Variants in SYNPO2 observed in about 807,000 individuals in gnomAD.
SYNPO2 encodes synaptopodin-2.
Under a neutral mutation model 85.0 loss-of-function variants are expected in SYNPO2, and 56 were observed. The observed-to-expected ratio is 0.66, with a 90% CI of 0.53 to 0.82. The LOEUF (loss-of-function observed/expected upper bound fraction) is 0.82, where lower values mean the gene tolerates loss of function less well. Ranked by LOEUF, SYNPO2 falls within the 40% of genes least tolerant of loss-of-function variation. The pLI is 0.00. For missense variants in SYNPO2, 1,575 were observed against 1,534.2 expected (o/e 1.03, Z -0.44); for synonymous variants, 602 against 591.1 (o/e 1.02, Z -0.27).
chr4:118,940,158 G>A (rs1734258265), intron 1 of SYNPO2, among the ~76,000 whole-genome samples: 1 of 151,758 alleles, frequency 6.6e-6, no homozygotes, highest in African/African-American at 2.4e-5. Flanking sequence ...GTTAATTTTT[G>A]TATTTTTAGT....
chr4:118,887,193 G>A (rs1011658552), upstream of SYNPO2, among the ~76,000 whole-genome samples: 1 of 149,632 alleles, frequency 6.7e-6, no homozygotes, highest in Non-Finnish European at 1.5e-5. Flanking sequence ...GTGTGTGTGT[G>A]TGTGTGTGTG....
intron 1 of SYNPO2, among the ~76,000 whole-genome samples, chr4:118,909,167 CTG>C (rs1165705228): frequency 6.6e-6 from 1 of 152,124 alleles, no homozygotes; most frequent in African/African-American, 2.4e-5. Context: ...CAAAAAATAC[CTG>C]TGATTGCAAA....
In SYNPO2 at chr4:119,026,911, A is replaced by G. The variant is rs1737977987; in HGVS notation, c.542A>G (p.Glu181Gly). The change falls in exon 3 of 5, where the codon GAG (glutamate) becomes GGG (glycine). Residue 181 changes from glutamate to glycine, a missense_variant. Coordinates refer to ENST00000307142, the MANE Select transcript of SYNPO2 (RefSeq NM_133477.3). ...PDSQRGRVAEELILREKVEAV... is the reference protein window; with the variant it reads ...PDSQRGRVAEGLILREKVEAV... ...TCCCAAAGAGGACGCGTGGCAGAAG[A>G]GCTGATCTTAAGGGAGAAGGTAGAA... The G allele has an allele frequency of 6.2e-7, 1 of 1,614,152 alleles. No homozygotes were observed. The highest frequency in any genetic ancestry group is 8.5e-7 in the Non-Finnish European group (1 of 1,180,034).
At chr4:118,974,754 T>C (rs963617529) in intron 1 of SYNPO2, among the ~76,000 whole-genome samples, 3 of 152,222 alleles carry the variant, frequency 2.0e-5, no homozygotes, top group Non-Finnish European at 4.4e-5. Context: ...GATTCATCCT[T>C]GACTTCTGCT....
At chr4:119,007,527 C>T (rs147736008) in intron 1 of SYNPO2, among the ~76,000 whole-genome samples, 2 of 151,646 alleles carry the variant, frequency 1.3e-5, no homozygotes, top group Admixed American at 6.6e-5. Flanking sequence ...ATGGCATGAT[C>T]GTATGCTTAT....
intron 1 of SYNPO2, among the ~76,000 whole-genome samples, chr4:118,969,137 A>G (rs1735430840): frequency 1.3e-5 from 2 of 152,214 alleles, no homozygotes; most frequent in South Asian, 4.1e-4. Context: ...TACTCACATA[A>G]ACACAACACT....
intron 1 of SYNPO2, among the ~76,000 whole-genome samples, chr4:118,929,611 C>G (rs1432072896): frequency 1.3e-5 from 2 of 152,054 alleles, no homozygotes; most frequent in Non-Finnish European, 2.9e-5. Context: ...AATGATTTCT[C>G]CAAATCCTCA....
chr4:119,006,113 C>A (rs1994630), intron 1 of SYNPO2: 36,924 of 153,254 alleles, frequency 0.24, 5,208 homozygotes, highest in Non-Finnish European at 0.31. Flanking sequence ...CAGCAGTAAA[C>A]AATACAAAAC....
intron 1 of SYNPO2, among the ~76,000 whole-genome samples, chr4:118,973,506 G>C (rs144467746): frequency 1.3e-5 from 2 of 151,846 alleles, no homozygotes; most frequent in Non-Finnish European, 2.9e-5. Flanking sequence ...TGCATGTCAG[G>C]TTTGGCTAAC....
chr4:118,964,854 A>G (rs1735252101), intron 1 of SYNPO2, among the ~76,000 whole-genome samples: 1 of 152,304 alleles, frequency 6.6e-6, no homozygotes, highest in South Asian at 2.1e-4. Context: ...ACTGAAAAAA[A>G]GACAAGAAAA....
Position 119,031,333 on chromosome 4 carries a change from C to A in SYNPO2, c.2558C>A (p.Ala853Asp). 6.2e-7 allele frequency: 1 copy of A among 1,614,196 alleles called. No homozygotes were observed. Among genetic ancestry groups the A allele is most frequent in the Non-Finnish European group, 8.5e-7 (1 of 1,180,046 alleles). ...KPTVSTPTVNAVQPGAVGPSN... is the reference protein window; with the variant it reads ...KPTVSTPTVNDVQPGAVGPSN... ...ACAGTTTCCACACCAACAGTCAATG[C>A]TGTTCAGCCTGGTGCAGTGGGACCA... The change falls in exon 4 of 5, where the codon GCT becomes GAT. Residue 853 changes from alanine (A) to aspartate (D), a missense_variant. Coordinates refer to ENST00000307142, the MANE Select transcript of SYNPO2 (RefSeq NM_133477.3).
intron 1 of SYNPO2, among the ~76,000 whole-genome samples, chr4:118,909,119 C>T (rs1054765158): frequency 3.3e-5 from 5 of 152,080 alleles, no homozygotes; most frequent in East Asian, 1.9e-4. Flanking sequence ...TATGGACACA[C>T]GGCTCATATG....
At chr4:119,054,468 C>T (rs780597684) in intron 4 of SYNPO2, among the ~76,000 whole-genome samples, 2 of 152,078 alleles carry the variant, frequency 1.3e-5, no homozygotes, top group East Asian at 1.9e-4. Flanking sequence ...TACTAAGCTA[C>T]GAAAATGGCT....
chr4:118,863,558 T>G (rs1406207394), intron 1 of SYNPO2, among the ~76,000 whole-genome samples: 1 of 152,220 alleles, frequency 6.6e-6, no homozygotes, highest in Non-Finnish European at 1.5e-5. Context: ...TTTTTCTTAC[T>G]CTGCTAATGT....
intron 1 of SYNPO2, among the ~76,000 whole-genome samples, chr4:118,931,731 A>T (rs1007483259): frequency 1.3e-5 from 2 of 152,174 alleles, no homozygotes; most frequent in African/African-American, 4.8e-5. Flanking sequence ...ACCTGTATAC[A>T]ATTAATCTCT....
At chr4:118,999,225 C>T (rs904472512) in intron 1 of SYNPO2, among the ~76,000 whole-genome samples, 3 of 152,044 alleles carry the variant, frequency 2.0e-5, no homozygotes, top group East Asian at 1.9e-4. Context: ...CATGGCTCAC[C>T]GCAGTCTCCA....
chr4:119,036,017 G>A (rs1164462608), intron 4 of SYNPO2: 4 of 985,318 alleles, frequency 4.1e-6, no homozygotes, highest in South Asian at 4.7e-5. Context: ...TAGTGTCTGC[G>A]TTTAGATTTA....
intron 1 of SYNPO2, among the ~76,000 whole-genome samples, chr4:118,905,736 T>C (rs926356953): frequency 5.9e-5 from 9 of 152,204 alleles, no homozygotes; most frequent in Admixed American, 1.3e-4. Flanking sequence ...TTTTGTCTAG[T>C]GAGGCTGCTC....
At chr4:118,962,301 G>T (rs1735128223) in intron 1 of SYNPO2, among the ~76,000 whole-genome samples, 2 of 152,166 alleles carry the variant, frequency 1.3e-5, no homozygotes, top group African/African-American at 4.8e-5. Context: ...ATTTATAAAG[G>T]AAGTCTTGTT....
Sources: gnomAD v4.1 joint callset for allele counts (sites outside exome capture counted in the v4.1 genomes callset) on GRCh38, gnomAD v4.1.1 for gene constraint, MANE v1.5 for transcripts, NCBI Gene and HGNC (gene_info 2026-07-23, HGNC 2026-07-21) for gene names.